Variants in SORCS1 observed in about 807,000 individuals in gnomAD.
The protein encoded by SORCS1 is sortilin related VPS10 domain containing receptor 1.
In SORCS1, 60 loss-of-function variants were observed where a neutral mutation model predicts 146.1. That is an observed-to-expected ratio of 0.41 (90% CI 0.33 to 0.51). SORCS1 has a LOEUF of 0.51. SORCS1 is among the 20% of genes least tolerant of loss of function. The probability of loss-of-function intolerance (pLI) is 0.21; values close to 1 mark genes in which losing one functional copy is unlikely to be tolerated. For missense variants in SORCS1, 1,352 were observed against 1,487.6 expected, an observed-to-expected ratio of 0.91 and a Z score of 1.50; for synonymous variants, 637 against 584.0, an observed-to-expected ratio of 1.09 and a Z score of -1.31.
intron 1 of SORCS1, among the ~76,000 whole-genome samples, chr10:107,032,180 A>G (rs988307715): frequency 2.0e-5 from 3 of 152,178 alleles, no homozygotes; most frequent in Non-Finnish European, 4.4e-5. Context: ...AAATAAATAA[A>G]AGACACGTAG....
intron 3 of SORCS1, among the ~76,000 whole-genome samples, chr10:106,806,683 T>C (rs901720089): frequency 7.3e-5 from 11 of 151,542 alleles, no homozygotes; most frequent in East Asian, 6.0e-4. Context: ...GCCCAGCTAA[T>C]TTTTCGTATT....
At chr10:107,161,056 G>A (rs1269759901) in intron 1 of SORCS1, among the ~76,000 whole-genome samples, 1 of 152,076 alleles carries the variant, frequency 6.6e-6, no homozygotes, top group Non-Finnish European at 1.5e-5. Flanking sequence ...CATCAATCGA[G>A]ACTGCAGTAC....
chr10:106,890,680 T>C (rs566549670), intron 2 of SORCS1, among the ~76,000 whole-genome samples: 1 of 152,258 alleles, frequency 6.6e-6, no homozygotes, highest in Admixed American at 6.5e-5. Context: ...TTACCAGAAG[T>C]TTTGAAATTA....
At chr10:107,018,390 G>A (rs917675219) in intron 1 of SORCS1, among the ~76,000 whole-genome samples, 5 of 150,982 alleles carry the variant, frequency 3.3e-5, no homozygotes, top group Admixed American at 3.3e-4. Flanking sequence ...GTTTCACCGT[G>A]TTAGCCAGGA....
chr10:106,610,255 T>C (rs1020785915), intron 22 of SORCS1, among the ~76,000 whole-genome samples: 9 of 151,724 alleles, frequency 5.9e-5, no homozygotes, highest in Non-Finnish European at 1.3e-4. Context: ...TAGAGTGGAG[T>C]GGTTAGGAAA....
At chr10:106,731,997 C>T (rs6584762) in intron 5 of SORCS1, among the ~76,000 whole-genome samples, 68,372 of 151,956 alleles carry the variant, frequency 0.45, 15,548 homozygotes, top group African/African-American at 0.52. Context: ...TAATCATTGT[C>T]CTAGGGTTAT....
intron 2 of SORCS1, among the ~76,000 whole-genome samples, chr10:106,862,492 T>C (rs989754066): frequency 6.6e-6 from 1 of 152,192 alleles, no homozygotes; most frequent in African/African-American, 2.4e-5. Flanking sequence ...CTCTCTTCAA[T>C]GTTTTTTTTA....
chr10:106,795,380 CT>C lies in SORCS1; in HGVS notation c.727-18689del. Among the ~76,000 whole-genome samples, 4 of 152,098 alleles carry C rather than the reference CT, an allele frequency of 2.6e-5. No homozygotes were observed. In the East Asian group the frequency reaches 5.8e-4, roughly 22 times the overall value. Reference sequence around the variant, plus strand: ...GGATACTAGTGATTGGTTAGTATCCCTTTTTGGTACATAGTAGATACTTAAC... The same window carrying C: ...GGATACTAGTGATTGGTTAGTATCCCTTTTGGTACATAGTAGATACTTAAC... On this transcript the variant is annotated intron_variant, in intron 3 of 25. Coordinates refer to ENST00000263054, the MANE Select transcript of SORCS1 (RefSeq NM_052918.5).
intron 1 of SORCS1, among the ~76,000 whole-genome samples, chr10:107,067,951 C>T (rs1962044337): frequency 6.6e-6 from 1 of 152,188 alleles, no homozygotes; most frequent in Non-Finnish European, 1.5e-5. Context: ...GCTCCTATCT[C>T]ACAAAGGTGT....
At chr10:106,875,877 G>A (rs1433299233) in intron 2 of SORCS1, among the ~76,000 whole-genome samples, 1 of 152,150 alleles carries the variant, frequency 6.6e-6, no homozygotes, top group African/African-American at 2.4e-5. Flanking sequence ...AAAAAGTAGG[G>A]AGGCCAGTTA....
chr10:106,601,864 C>G (rs1846263229), intron 23 of SORCS1, among the ~76,000 whole-genome samples: 1 of 152,202 alleles, frequency 6.6e-6, no homozygotes, highest in African/African-American at 2.4e-5. Flanking sequence ...ATCACTTCTG[C>G]TCCCACAGTC....
intron 2 of SORCS1, among the ~76,000 whole-genome samples, chr10:106,869,005 A>G (rs1330693451): frequency 6.6e-6 from 1 of 151,994 alleles, no homozygotes; most frequent in East Asian, 1.9e-4. Context: ...ATGATGAGGG[A>G]GGTGCTACCA....
At chr10:106,623,503 C>A (rs533034615) in intron 19 of SORCS1, among the ~76,000 whole-genome samples, 1 of 152,030 alleles carries the variant, frequency 6.6e-6, no homozygotes, top group East Asian at 2.0e-4. Flanking sequence ...CTCGGCCTCC[C>A]AAAGTGTTGG....
intron 2 of SORCS1, among the ~76,000 whole-genome samples, chr10:106,864,273 C>T (rs1229589146): frequency 6.6e-6 from 1 of 152,120 alleles, no homozygotes; most frequent in Non-Finnish European, 1.5e-5. Context: ...GGCAGAATGA[C>T]GGTCCACCAG....
intron 8 of SORCS1, among the ~76,000 whole-genome samples, chr10:106,706,325 A>G (rs1854525093): frequency 2.0e-5 from 3 of 150,612 alleles, no homozygotes; most frequent in Admixed American, 2.0e-4. Flanking sequence ...GAAAGAAAGG[A>G]AGAGAGAGAG....
At chr10:106,711,851 T>C (rs1179739697) in intron 6 of SORCS1, among the ~76,000 whole-genome samples, 2 of 152,142 alleles carry the variant, frequency 1.3e-5, no homozygotes, top group Admixed American at 6.5e-5. Context: ...AATCTTTACC[T>C]CACAATTTTA....
At chr10:106,850,602 G>T (rs188450008) in intron 2 of SORCS1, among the ~76,000 whole-genome samples, 1 of 152,204 alleles carries the variant, frequency 6.6e-6, no homozygotes, top group African/African-American at 2.4e-5. Flanking sequence ...GGCCATCTTG[G>T]CTCCTCCCTG....
At chr10:106,915,998 T>C (rs1157219947) in intron 2 of SORCS1, among the ~76,000 whole-genome samples, 1 of 152,194 alleles carries the variant, frequency 6.6e-6, no homozygotes, top group African/African-American at 2.4e-5. Context: ...TTGATGGCTC[T>C]ATCGAGACTT....
chr10:106,986,478 T>A (rs1195821555), intron 1 of SORCS1, among the ~76,000 whole-genome samples: 1 of 151,902 alleles, frequency 6.6e-6, no homozygotes, highest in Admixed American at 6.6e-5. Flanking sequence ...TGTTACCTAA[T>A]ATGAAGTTGA....
Sources: allele counts gnomAD v4.1 joint callset (sites outside exome capture counted in the v4.1 genomes callset), GRCh38; gene constraint gnomAD v4.1.1; transcripts MANE v1.5; gene names NCBI Gene and HGNC (gene_info 2026-07-23, HGNC 2026-07-21).